The following GUCY1A2 variants were observed in gnomAD, a reference collection of about 807,000 sequenced individuals.
GUCY1A2 encodes the protein guanylate cyclase 1 soluble subunit alpha 2, also known as guanylate cyclase soluble subunit alpha-2.
Under a neutral mutation model 63.5 loss-of-function variants are expected in GUCY1A2, and 27 were observed. That is an observed-to-expected ratio of 0.43 (90% CI 0.31 to 0.59). The LOEUF (loss-of-function observed/expected upper bound fraction) is 0.59. Ranked by LOEUF, GUCY1A2 falls within the 20% of genes least tolerant of loss-of-function variation. The pLI is 0.11. For missense variants in GUCY1A2, 768 were observed against 913.3 expected, an observed-to-expected ratio of 0.84 and a Z score of 2.05; for synonymous variants, 364 against 343.5, an observed-to-expected ratio of 1.06 and a Z score of -0.66.
intron 4 of GUCY1A2, among the ~76,000 whole-genome samples, chr11:106,923,951 A>C (rs555759681): frequency 6.6e-6 from 1 of 152,310 alleles, no homozygotes; most frequent in African/African-American, 2.4e-5. Context: ...CTTGCCATCC[A>C]TCTATTGAGA....
At chr11:107,010,797 C>T (rs1298055620) in intron 1 of GUCY1A2, among the ~76,000 whole-genome samples, 6 of 152,096 alleles carry the variant, frequency 3.9e-5, no homozygotes, top group Non-Finnish European at 2.9e-5. Context: ...GTGGCATGAT[C>T]TCGGCTCACT....
At chr11:106,689,893 G>A (rs1435876087) in intron 7 of GUCY1A2, among the ~76,000 whole-genome samples, 4 of 151,856 alleles carry the variant, frequency 2.6e-5, no homozygotes, top group Admixed American at 2.6e-4. Context: ...TACTTAGGAG[G>A]CTGAGGCAGG....
At position 106,754,065 on chromosome 11, in the gene GUCY1A2, CTTCACATCCCTTGAAAGTTGG is replaced by C. The variant is rs539365386; in HGVS notation, c.1836+22353_1836+22373del. On this transcript the variant is annotated intron_variant, in intron 6 of 7. Transcript: ENST00000526355. ...GTTTGTAGTTCTCCTTGAAGAGGTC[CTTCACATCCCTTGAAAGTTGG>C]ATTCCCAGGTATTTTATTCTCTTTG... is the stretch of plus-strand genomic sequence containing the variant. 1.4e-3 allele frequency among the ~76,000 whole-genome samples: 212 copies of C among 152,210 alleles called. 1 individual carries two copies. Among genetic ancestry groups the C allele is most frequent in the South Asian group, 3.7e-3 (18 of 4,824 alleles).
chr11:106,827,121 T>C, intron 4 of GUCY1A2: 1 of 1,476,806 alleles, frequency 6.8e-7, no homozygotes, highest in Non-Finnish European at 9.5e-7. Context: ...CACACATAGC[T>C]TCAAGGTGAA....
At chr11:106,854,274 G>A (rs1859396817) in intron 4 of GUCY1A2, among the ~76,000 whole-genome samples, 1 of 152,214 alleles carries the variant, frequency 6.6e-6, no homozygotes, top group East Asian at 1.9e-4. Context: ...ACCAGAAGTA[G>A]TGTTTGTAGG....
chr11:106,825,000 T>C (rs895440690), intron 4 of GUCY1A2: 39 of 1,596,818 alleles, frequency 2.4e-5, no homozygotes, highest in Admixed American at 3.5e-5. Flanking sequence ...GGTTTATGCA[T>C]GTATATGCCA....
At chr11:106,745,411 A>T (rs781093213) in intron 6 of GUCY1A2, among the ~76,000 whole-genome samples, 1 of 152,230 alleles carries the variant, frequency 6.6e-6, no homozygotes, top group African/African-American at 2.4e-5. Context: ...CCATTTTATT[A>T]TACCACTGTG....
At chr11:106,722,508 C>G (rs1863333542) in intron 6 of GUCY1A2, among the ~76,000 whole-genome samples, 1 of 151,468 alleles carries the variant, frequency 6.6e-6, no homozygotes, top group Non-Finnish European at 1.5e-5. Flanking sequence ...TTTGATAGTG[C>G]CCTTAGTACA....
chr11:106,709,280 A>T (rs1256466804), intron 6 of GUCY1A2, among the ~76,000 whole-genome samples: 1 of 58,662 alleles, frequency 1.7e-5, no homozygotes, highest in South Asian at 5.0e-4. Context: ...TATATATATA[A>T]ATTTATATAT....
chr11:106,990,126 G>T (rs1861452178), intron 1 of GUCY1A2, among the ~76,000 whole-genome samples: 1 of 152,130 alleles, frequency 6.6e-6, no homozygotes. Flanking sequence ...ATAGATAGTG[G>T]CCTCCTAGTG....
At chr11:106,982,740 C>G (rs1228883136) in intron 2 of GUCY1A2, among the ~76,000 whole-genome samples, 1 of 151,922 alleles carries the variant, frequency 6.6e-6, no homozygotes, top group East Asian at 1.9e-4. Context: ...TACAAAGGCC[C>G]TGAAGCTAAG....
At position 107,018,135 on chromosome 11, in the gene GUCY1A2, C is replaced by CA; in HGVS notation, c.-81dup. 2 of 936,454 alleles carry CA rather than the reference C, an allele frequency of 2.1e-6. No homozygotes were observed. The highest frequency in any genetic ancestry group is 7.2e-4 in the Middle Eastern group (2 of 2,762). The allele number at this position is 936,454 out of a possible 1,614,324, so 58.0% of individuals were successfully genotyped here. On this transcript the variant is annotated 5_prime_UTR_variant, in exon 1 of 8. Coordinates refer to ENST00000526355, the MANE Select transcript of GUCY1A2 (RefSeq NM_000855.3). ...GCGGAGGCGGCGGTGGCGGGACCGG[C>CA]AAGCGACAACGTTAAGCGCGTCGGG...
At chr11:106,891,883 G>A (rs1859979673) in intron 4 of GUCY1A2, among the ~76,000 whole-genome samples, 1 of 152,046 alleles carries the variant, frequency 6.6e-6, no homozygotes, top group African/African-American at 2.4e-5. Flanking sequence ...GCTAACCTAA[G>A]CATTTTGTAT....
At chr11:106,927,731 AT>A (rs1391019556) in intron 4 of GUCY1A2, among the ~76,000 whole-genome samples, 5 of 146,528 alleles carry the variant, frequency 3.4e-5, no homozygotes, top group East Asian at 2.1e-4. Flanking sequence ...CGCCCGGCTA[AT>A]TTTTTTTTTA....
At chr11:106,762,328 A>T (rs1864080112) in intron 6 of GUCY1A2, among the ~76,000 whole-genome samples, 1 of 152,120 alleles carries the variant, frequency 6.6e-6, no homozygotes, top group African/African-American at 2.4e-5. Flanking sequence ...AAAAACTATA[A>T]TCATCCAAAG....
At chr11:106,926,850 A>G (rs1216945083) in intron 4 of GUCY1A2, among the ~76,000 whole-genome samples, 1 of 151,656 alleles carries the variant, frequency 6.6e-6, no homozygotes, top group African/African-American at 2.4e-5. Flanking sequence ...ACACAGTTTT[A>G]TAGTGTCCAA....
chr11:107,007,106 C>A (rs1159203544), intron 1 of GUCY1A2, among the ~76,000 whole-genome samples: 1 of 151,014 alleles, frequency 6.6e-6, no homozygotes, highest in Non-Finnish European at 1.5e-5. Flanking sequence ...AGTATACCAA[C>A]TACTCATTGG....
chr11:106,850,713 G>A (rs1294045257), intron 4 of GUCY1A2, among the ~76,000 whole-genome samples: 5 of 151,752 alleles, frequency 3.3e-5, no homozygotes. Context: ...TTGTGTATAT[G>A]TACTGCATTT....
At chr11:106,969,367 C>T (rs894895042) in intron 3 of GUCY1A2, among the ~76,000 whole-genome samples, 5 of 152,044 alleles carry the variant, frequency 3.3e-5, no homozygotes, top group Non-Finnish European at 7.4e-5. Flanking sequence ...AAACAGAATG[C>T]TATTAAAATT....
Sources: allele counts gnomAD v4.1 joint callset (sites outside exome capture counted in the v4.1 genomes callset), GRCh38; gene constraint gnomAD v4.1.1; transcripts MANE v1.5; gene names NCBI Gene and HGNC (gene_info 2026-07-23, HGNC 2026-07-21).